The following C6 variants were observed in gnomAD, a reference collection of about 807,000 sequenced individuals.
The protein encoded by C6 is complement C6.
A neutral mutation model predicts 112.9 loss-of-function variants in C6; 101 were observed. The ratio of observed to expected loss-of-function variants is 0.89; its 90% CI spans 0.76 to 1.06. The LOEUF (loss-of-function observed/expected upper bound fraction) is 1.06, where lower values mean the gene tolerates loss of function less well. C6 is among the 50% of genes least tolerant of loss of function. C6 has a pLI of 0.00. For synonymous variants in C6, 431 were observed against 384.1 expected (o/e 1.12, Z -1.43); for missense variants, 1,202 against 1,104.6 (o/e 1.09, Z -1.25).
chr5:41,208,086 A>G (rs1290884087), intron 1 of C6, among the ~76,000 whole-genome samples: 1 of 152,224 alleles, frequency 6.6e-6, no homozygotes, highest in Non-Finnish European at 1.5e-5. Flanking sequence ...ACGCTCAACT[A>G]CATGGAAACT....
intron 17 of C6, among the ~76,000 whole-genome samples, chr5:41,148,191 G>A (rs1746025593): frequency 1.3e-5 from 2 of 152,152 alleles, no homozygotes; most frequent in South Asian, 4.2e-4. Flanking sequence ...GCAAAATACA[G>A]GAGAAAAAAT....
intron 1 of C6, among the ~76,000 whole-genome samples, chr5:41,228,484 A>C (rs983714198): frequency 4.6e-5 from 7 of 152,152 alleles, no homozygotes; most frequent in African/African-American, 1.4e-4. Flanking sequence ...TAAGACTTCC[A>C]GTACTACACT....
At position 41,233,231 on chromosome 5, in the gene C6, C is replaced by G. The variant is rs1163070034; in HGVS notation, c.-21+27963G>C. Among the ~76,000 whole-genome samples, 7 of 152,196 alleles carry G rather than the reference C, an allele frequency of 4.6e-5. No homozygotes were observed. In the East Asian group the frequency reaches 9.6e-4, roughly 21 times the overall value. On this transcript the variant is annotated intron_variant, in intron 1 of 17. Coordinates refer to the C6 transcript ENST00000263413. Reference sequence around the variant, plus strand: ...TATCTGTAAAATAGGGAAATGATAACTGCTCTAACTACTCATTCTGGTCAT... The same window carrying G: ...TATCTGTAAAATAGGGAAATGATAAGTGCTCTAACTACTCATTCTGGTCAT...
At position 41,230,034 on chromosome 5, in the gene C6, G is replaced by T. The variant is rs1580230630; in HGVS notation, c.-20-26784C>A. 1.3e-5 allele frequency among the ~76,000 whole-genome samples: 2 copies of T among 152,196 alleles called. 1 individual carries two copies. Among genetic ancestry groups the T allele is most frequent in the East Asian group, 3.9e-4 (2 of 5,178 alleles). ...TGAACATAAATTGTGAAGATTTCAT[G>T]GACATTTATCACTTCCCTAATAATA... On this transcript the variant is annotated intron_variant, in intron 1 of 17. Transcript: ENST00000263413.
chr5:41,209,226 T>A (rs1751694861), intron 1 of C6, among the ~76,000 whole-genome samples: 1 of 152,122 alleles, frequency 6.6e-6, no homozygotes, highest in Non-Finnish European at 1.5e-5. Context: ...TATCTCAAAA[T>A]AATAAGAGCT....
intron 1 of C6, among the ~76,000 whole-genome samples, chr5:41,206,219 G>A (rs1014672770): frequency 7.9e-5 from 12 of 152,132 alleles, no homozygotes; most frequent in Non-Finnish European, 1.3e-4. Context: ...CCATCTGTAC[G>A]TCACCATCAT....
intron 1 of C6, among the ~76,000 whole-genome samples, chr5:41,233,896 T>C (rs751809053): frequency 2.0e-5 from 3 of 152,116 alleles, no homozygotes; most frequent in African/African-American, 4.8e-5. Flanking sequence ...TTTTATTATT[T>C]TCTTTTGGTC....
rs776707501 is a variant in C6, at chr5:41,159,169, T to C, written c.1769A>G (p.Asn590Ser). Residue 590 changes from asparagine (N) to serine (S), a missense_variant, in exon 12 of 18, where the codon AAT becomes AGT. Transcript: ENST00000337836. ...CCCTCCTCGTTGGGGGGCAGGATTA[T>C]TGCATTCTCGGGTTCTCGATCTCTT... ...TYKRSRTREC[N>S]NPAPQRGGKR... 3.3e-5 allele frequency: 54 copies of C among 1,613,682 alleles called. No individual in the cohort carries two copies. The highest frequency in any genetic ancestry group is 4.5e-5 in the Non-Finnish European group (53 of 1,179,734).
At chr5:41,175,476 C>T (rs1748761125) in intron 8 of C6, among the ~76,000 whole-genome samples, 1 of 152,188 alleles carries the variant, frequency 6.6e-6, no homozygotes, top group Non-Finnish European at 1.5e-5. Context: ...CTGTCAGTCT[C>T]TACCTCTACA....
rs192830695 is a variant in C6, at chr5:41,146,362, A to T, written c.2623+2879T>A. 1.2e-4 allele frequency among the ~76,000 whole-genome samples: 19 copies of T among 152,336 alleles called. 1 individual carries two copies. Among genetic ancestry groups the T allele is most frequent in the Admixed American group, 7.8e-4 (12 of 15,302 alleles). On this transcript the variant is annotated intron_variant, in intron 17 of 17. Coordinates refer to ENST00000337836, the MANE Select transcript of C6 (RefSeq NM_000065.5). ...ATAGAGAAGGAAAAGAGTAGCTAAG[A>T]GCACAATGTAATCAAGAACACAGTT...
chr5:41,253,801 AT>A (rs1253923535), intron 1 of C6, among the ~76,000 whole-genome samples: 1 of 152,160 alleles, frequency 6.6e-6, no homozygotes, highest in Non-Finnish European at 1.5e-5. Flanking sequence ...TTTTATTGTA[AT>A]TTCTCCAAAG....
intron 1 of C6, among the ~76,000 whole-genome samples, chr5:41,204,108 A>G (rs1751242291): frequency 1.3e-5 from 2 of 152,244 alleles, no homozygotes; most frequent in Non-Finnish European, 2.9e-5. Flanking sequence ...CTAATGAAAC[A>G]TGCAACATTA....
chr5:41,249,181 G>T (rs900978753), intron 1 of C6, among the ~76,000 whole-genome samples: 1 of 152,058 alleles, frequency 6.6e-6, no homozygotes, highest in African/African-American at 2.4e-5. Flanking sequence ...CAGGACAAGG[G>T]TTGAAAAACT....
At chr5:41,197,796 G>A (rs575912863) in intron 4 of C6, among the ~76,000 whole-genome samples, 3 of 152,130 alleles carry the variant, frequency 2.0e-5, no homozygotes, top group African/African-American at 7.2e-5. Context: ...AAAACTCTAT[G>A]GAATAGAAAG....
At chr5:41,236,125 T>C (rs1274842306) in intron 1 of C6, among the ~76,000 whole-genome samples, 1 of 101,026 alleles carries the variant, frequency 9.9e-6, no homozygotes, top group Non-Finnish European at 1.9e-5. Flanking sequence ...CCATTGCTTT[T>C]GGTGATTTGG....
At chr5:41,257,944 AT>A (rs1741821678) in intron 1 of C6, among the ~76,000 whole-genome samples, 1 of 152,152 alleles carries the variant, frequency 6.6e-6, no homozygotes, top group Non-Finnish European at 1.5e-5. Context: ...ATCAGCATAA[AT>A]TTTTTAAATC....
In C6 at chr5:41,147,555, A is replaced by G. The variant is rs149012645; in HGVS notation, c.2623+1686T>C. Among the ~76,000 whole-genome samples the G allele has an allele frequency of 9.8e-5, 15 of 152,308 alleles. No homozygotes were observed. The East Asian group carries it at 2.9e-3, about 29-fold the overall frequency. Reference sequence around the variant, plus strand: ...AAGACCTCTCCCCTTTCCAGGACTGAGCTGAAGAACACTGGGCCACAAAGT... The same window carrying G: ...AAGACCTCTCCCCTTTCCAGGACTGGGCTGAAGAACACTGGGCCACAAAGT... On this transcript the variant is annotated intron_variant, in intron 17 of 17. Transcript: ENST00000337836.
At chr5:41,143,101 G>T in intron 17 of C6, 95 bp from the exon 18 acceptor site, 1 of 1,114,454 alleles carries the variant, frequency 9.0e-7, no homozygotes, top group Non-Finnish European at 1.3e-6. Flanking sequence ...CTCCTTGATG[G>T]TGTTAAATTA....
chr5:41,208,848 G>A (rs1310288984), intron 1 of C6, among the ~76,000 whole-genome samples: 2 of 151,952 alleles, frequency 1.3e-5, no homozygotes, highest in African/African-American at 4.8e-5. Context: ...AGAAAAAGAG[G>A]GAATCCTCCC....
Sources: gnomAD v4.1 joint callset for allele counts (sites outside exome capture counted in the v4.1 genomes callset) on GRCh38, gnomAD v4.1.1 for gene constraint, MANE v1.5 for transcripts, NCBI Gene and HGNC (gene_info 2026-07-23, HGNC 2026-07-21) for gene names.